PRKCA: variants seen among roughly 807,000 people sequenced by gnomAD.
The protein encoded by PRKCA is protein kinase C alpha type.
In PRKCA, 27 loss-of-function variants were observed where a neutral mutation model predicts 87.0. The observed-to-expected ratio is 0.31, with a 90% CI of 0.23 to 0.43. PRKCA has a LOEUF of 0.43. PRKCA is among the 20% of genes least tolerant of loss of function. The pLI is 1.00. For synonymous variants in PRKCA, 329 were observed against 311.1 expected, an observed-to-expected ratio of 1.06 and a Z score of -0.61; for missense variants, 518 against 852.3, an observed-to-expected ratio of 0.61 and a Z score of 4.88.
At chr17:66,331,660 C>T (rs533252271) in intron 2 of PRKCA, among the ~76,000 whole-genome samples, 1 of 152,328 alleles carries the variant, frequency 6.6e-6, no homozygotes, top group Admixed American at 6.5e-5. Context: ...AGCTCAAAAA[C>T]ACTTCCACTC....
At chr17:66,786,830 C>G in intron 14 of PRKCA, 37 bp from the exon 15 acceptor site, 1 of 1,562,428 alleles carries the variant, frequency 6.4e-7, no homozygotes, top group Non-Finnish European at 8.8e-7. Context: ...ATTACTCTGC[C>G]TAAATACTTT....
intron 3 of PRKCA, among the ~76,000 whole-genome samples, chr17:66,521,455 T>A (rs1222688672): frequency 5.3e-5 from 8 of 152,228 alleles, no homozygotes; most frequent in Non-Finnish European, 1.0e-4. Context: ...CAATTGCTTT[T>A]CACGCTTAAC....
intron 3 of PRKCA, among the ~76,000 whole-genome samples, chr17:66,609,427 G>T (rs772076531): frequency 6.6e-6 from 1 of 152,148 alleles, no homozygotes; most frequent in African/African-American, 2.4e-5. Context: ...AAACCGGAGA[G>T]ACCAGCTCCA....
intron 2 of PRKCA, among the ~76,000 whole-genome samples, chr17:66,410,506 T>C (rs548803840): frequency 2.0e-5 from 3 of 152,188 alleles, no homozygotes; most frequent in Non-Finnish European, 4.4e-5. Context: ...AATATTGTTA[T>C]TTTTGGTTTC....
intron 3 of PRKCA, among the ~76,000 whole-genome samples, chr17:66,526,983 T>A (rs1967366926): frequency 6.6e-6 from 1 of 152,204 alleles, no homozygotes; most frequent in Admixed American, 6.5e-5. Flanking sequence ...TGCCCAAGGC[T>A]TGTTTTATTG....
chr17:66,638,712 G>A (rs2143786005), intron 3 of PRKCA, among the ~76,000 whole-genome samples: 1 of 152,262 alleles, frequency 6.6e-6, no homozygotes, highest in South Asian at 2.1e-4. Context: ...GCCAGGCGTG[G>A]TAGTGGGTGC....
chr17:66,371,326 T>C (rs1449600062), intron 2 of PRKCA, among the ~76,000 whole-genome samples: 1 of 152,210 alleles, frequency 6.6e-6, no homozygotes, highest in Admixed American at 6.5e-5. Flanking sequence ...CTGTTCTGCA[T>C]GAGAGCCTTT....
chr17:66,512,552 C>T (rs1489037238), intron 3 of PRKCA, among the ~76,000 whole-genome samples: 3 of 151,856 alleles, frequency 2.0e-5, no homozygotes, highest in African/African-American at 7.3e-5. Flanking sequence ...TCCTGCACAC[C>T]TCACTGACCA....
chr17:66,347,941 C>CTTTTTTTTTTTTTTTTTGTTTT (rs1907497565), intron 2 of PRKCA, among the ~76,000 whole-genome samples: 1 of 56,440 alleles, frequency 1.8e-5, no homozygotes, highest in Non-Finnish European at 3.3e-5. Context: ...AATTCTGAAC[C>CTTTTTTTTTTTTTTTTTGTTTT]TTTTTTTTTT....
At chr17:66,655,130 C>T (rs1971700902) in intron 5 of PRKCA, among the ~76,000 whole-genome samples, 1 of 152,246 alleles carries the variant, frequency 6.6e-6, no homozygotes, top group African/African-American at 2.4e-5. Flanking sequence ...CTAAAACATA[C>T]AGCGGTGTGC....
At chr17:66,431,781 C>T (rs980007937) in intron 2 of PRKCA, among the ~76,000 whole-genome samples, 54 of 152,334 alleles carry the variant, frequency 3.5e-4, no homozygotes, top group African/African-American at 1.3e-3. Context: ...GTTGCCAGCT[C>T]TGTCCCTCTT....
intron 2 of PRKCA, among the ~76,000 whole-genome samples, chr17:66,421,438 T>G (rs1000773930): frequency 1.3e-5 from 2 of 151,730 alleles, no homozygotes; most frequent in African/African-American, 4.8e-5. Context: ...GTTTTTTTTT[T>G]TTTTTTTTTT....
chr17:66,728,168 C>G (rs978616984), intron 8 of PRKCA, among the ~76,000 whole-genome samples: 1 of 152,208 alleles, frequency 6.6e-6, no homozygotes, highest in Non-Finnish European at 1.5e-5. Flanking sequence ...GTAGTGGAAA[C>G]AGAAGTGCTG....
intron 2 of PRKCA, among the ~76,000 whole-genome samples, chr17:66,393,502 C>T (rs907376040): frequency 6.6e-6 from 1 of 152,130 alleles, no homozygotes; most frequent in African/African-American, 2.4e-5. Context: ...TGGAGAACAG[C>T]TCGGAGGGAT....
At chr17:66,562,746 G>A (rs1401332841) in intron 3 of PRKCA, among the ~76,000 whole-genome samples, 4 of 151,936 alleles carry the variant, frequency 2.6e-5, no homozygotes, top group Admixed American at 6.6e-5. Flanking sequence ...ACAGGTGCGC[G>A]CCACCACGCC....
chr17:66,668,022 A>G lies in PRKCA; in HGVS notation c.530-19089A>G, dbSNP rs548003598. On this transcript the variant is annotated intron_variant, in intron 5 of 16. Coordinates refer to ENST00000413366, the MANE Select transcript of PRKCA (RefSeq NM_002737.3). Reference sequence around the variant, plus strand: ...CTGTTGCCCGTTAGCCCAGTGGTCAAGTGTTAAGAAACAATTATCAGTGGT... The same window carrying G: ...CTGTTGCCCGTTAGCCCAGTGGTCAGGTGTTAAGAAACAATTATCAGTGGT... 1.7e-3 allele frequency among the ~76,000 whole-genome samples: 262 copies of G among 152,350 alleles called. 1 individual carries two copies. The highest frequency in any genetic ancestry group is 4.6e-3 in the South Asian group (22 of 4,824).
intron 3 of PRKCA, among the ~76,000 whole-genome samples, chr17:66,558,609 A>T (rs1232174170): frequency 1.3e-5 from 2 of 152,174 alleles, no homozygotes; most frequent in South Asian, 2.1e-4. Context: ...TGCAAAGGTA[A>T]GAGTTATAAG....
intron 3 of PRKCA, among the ~76,000 whole-genome samples, chr17:66,606,644 G>A (rs976506813): frequency 6.6e-6 from 1 of 152,060 alleles, no homozygotes; most frequent in Non-Finnish European, 1.5e-5. Flanking sequence ...AATTAGCAAA[G>A]CATTTTAAAA....
chr17:66,747,358 ACTGTGCCCGGCC>A (rs1474717583), intron 13 of PRKCA, among the ~76,000 whole-genome samples: 1 of 152,216 alleles, frequency 6.6e-6, no homozygotes, highest in African/African-American at 2.4e-5. Flanking sequence ...GGCCTGAGCC[ACTGTGCCCGGCC>A]CTGAAGTGAA....
Sources: allele counts gnomAD v4.1 joint callset (sites outside exome capture counted in the v4.1 genomes callset), GRCh38; gene constraint gnomAD v4.1.1; transcripts MANE v1.5; gene names NCBI Gene and HGNC (gene_info 2026-07-23, HGNC 2026-07-21).